RET: variants seen among roughly 807,000 people sequenced by gnomAD.
RET encodes ret proto-oncogene, also known as proto-oncogene tyrosine-protein kinase receptor Ret.
Under a neutral mutation model 118.3 loss-of-function variants are expected in RET, and 19 were observed. The ratio of observed to expected loss-of-function variants is 0.16; its 90% CI spans 0.11 to 0.24. RET has a LOEUF of 0.24. Ranked by LOEUF, RET falls within the 10% of genes least tolerant of loss-of-function variation. The probability of loss-of-function intolerance (pLI) is 1.00; values close to 1 mark genes in which losing one functional copy is unlikely to be tolerated. For missense variants in RET, 1,219 were observed against 1,502.1 expected, an observed-to-expected ratio of 0.81 and a Z score of 3.12; for synonymous variants, 597 against 644.1, an observed-to-expected ratio of 0.93 and a Z score of 1.11.
intron 18 of RET, 98 bp downstream of exon 18, chr10:43,125,080 T>G: frequency 3.7e-6 from 4 of 1,088,280 alleles, no homozygotes; most frequent in Non-Finnish European, 5.6e-6. Context: ...GTTCCCAGTG[T>G]GGGGCCACAG....
intron 5 of RET, among the ~76,000 whole-genome samples, chr10:43,107,071 C>T (rs113923725): frequency 1.7e-4 from 26 of 152,382 alleles, no homozygotes; most frequent in Admixed American, 5.9e-4. Flanking sequence ...CACCTGCTTG[C>T]AGGGCACCTT....
chr10:43,102,375 A>T lies in RET; in HGVS notation c.371A>T (p.Lys124Met), dbSNP rs773868504. Residue 124 changes from lysine to methionine, a missense_variant, in exon 3 of 20, where the codon AAG (lysine) becomes ATG (methionine). By Grantham distance (95) the Lys-to-Met change is moderately conservative. This residue lies in a region of RET where 84 missense variants were observed against 163.6 expected (regional missense o/e 0.51). Coordinates refer to ENST00000355710, the MANE Select transcript of RET (RefSeq NM_020975.6). Reference sequence around the variant, plus strand: ...TTTCCCCTGCTCACCGTCTACCTCAAGGTCTTCCTGTCACCCACATCCCTT... The same window carrying T: ...TTTCCCCTGCTCACCGTCTACCTCATGGTCTTCCTGTCACCCACATCCCTT... The part of the protein sequence containing the change: ...RGFPLLTVYL[K>M]VFLSPTSLRE... The T allele has an allele frequency of 6.2e-7, 1 of 1,614,214 alleles. No homozygotes were observed. Among genetic ancestry groups the T allele is most frequent in the South Asian group, 1.1e-5 (1 of 91,090 alleles).
intron 1 of RET, among the ~76,000 whole-genome samples, chr10:43,082,050 C>T (rs1356180345): frequency 6.6e-6 from 1 of 152,158 alleles, no homozygotes; most frequent in Non-Finnish European, 1.5e-5. Context: ...GCTCTGGTCC[C>T]GCAGCTGTGT....
At chr10:43,119,192 A>C (rs1838143932) in intron 13 of RET, among the ~76,000 whole-genome samples, 1 of 152,168 alleles carries the variant, frequency 6.6e-6, no homozygotes, top group South Asian at 2.1e-4. Flanking sequence ...CAGCATCCCC[A>C]GCCTGCACTG....
chr10:43,126,510 T>C, intron 18 of RET, 65 bp from the exon 19 acceptor site: 1 of 1,409,586 alleles, frequency 7.1e-7, no homozygotes, highest in Non-Finnish European at 1.0e-6. Context: ...GATGGCTTGT[T>C]GTATACTGAG....
At chr10:43,104,898 C>T (rs1206489105) in intron 3 of RET, 54 bp from the exon 4 acceptor site, 1 of 1,537,112 alleles carries the variant, frequency 6.5e-7, no homozygotes, top group Non-Finnish European at 8.7e-7. Context: ...AGGAAAGCGG[C>T]TGGCCCGGTC....
At position 43,105,004 on chromosome 10, in the gene RET, C is replaced by T. The variant is rs142421698; in HGVS notation, c.678C>T (p.Arg226=). Residue 226 remains arginine (R), a synonymous_variant, in exon 4 of 20, where the codon CGC becomes CGT. Coordinates refer to ENST00000355710, the MANE Select transcript of RET (RefSeq NM_020975.6). ...CGGACAGCCTGGAGGTGAGCACGCG[C>T]TGGGCCCTGGACCGCGAGCAGCGGG... ...CAPDSLEVST[R]WALDREQREK... is the part of the protein sequence containing the mutation. The T allele has an allele frequency of 1.9e-6, 3 of 1,592,556 alleles. No individual in the cohort carries two copies. In the African/African-American group the frequency reaches 4.0e-5, roughly 21 times the overall value.
At chr10:43,126,274 C>G (rs1190707543) in intron 18 of RET, among the ~76,000 whole-genome samples, 2 of 152,350 alleles carry the variant, frequency 1.3e-5, no homozygotes, top group African/African-American at 2.4e-5. Context: ...AGGCTGCCCT[C>G]CAGGCCCTGG....
At chr10:43,100,814 T>C (rs1422671305) in intron 2 of RET, 92 bp downstream of exon 2, 58 of 1,368,042 alleles carry the variant, frequency 4.2e-5, no homozygotes, top group Non-Finnish European at 3.8e-5. Flanking sequence ...AAGCTTGGCA[T>C]GGCTTCCCCC....
intron 17 of RET, 136 bp downstream of exon 17, chr10:43,123,944 G>C: frequency 1.5e-6 from 2 of 1,350,782 alleles, no homozygotes; most frequent in South Asian, 2.4e-5. Context: ...GCAGAGGTTA[G>C]AGAGCCATCC....
At chr10:43,110,031 C>T (rs1005353434) in intron 6 of RET, among the ~76,000 whole-genome samples, 2 of 152,224 alleles carry the variant, frequency 1.3e-5, no homozygotes, top group African/African-American at 4.8e-5. Flanking sequence ...GCATCAGCTC[C>T]TGGCAGCCAC....
rs764749007 is a variant in RET, at chr10:43,105,106, G to A, written c.780G>A (p.Val260=). 1.2e-6 allele frequency: 2 copies of A among 1,612,388 alleles called. No individual in the cohort carries two copies. The highest frequency in any genetic ancestry group is 1.7e-6 in the Non-Finnish European group (2 of 1,179,826). The change falls in exon 4 of 20, where the codon GTG becomes GTA. Residue 260 remains valine, a synonymous_variant. Transcript: ENST00000355710. The part of the protein sequence containing the change: ...REEVVMVPFP[V]TVYDEDDSAP... ...AGGTGGTGATGGTGCCCTTCCCGGT[G>A]ACCGTGTACGACGAGGACGACTCGG...
rs1210569285 is a variant in RET at position 43,086,990 on chromosome 10, C to T, written c.73+9659C>T. Among the ~76,000 whole-genome samples, 77 of 152,256 alleles carry T rather than the reference C, an allele frequency of 5.1e-4. 1 individual carries two copies. The highest frequency in any genetic ancestry group is 8.8e-5 in the Non-Finnish European group (6 of 68,040). The stretch of plus-strand genomic sequence containing the variant: ...GCCTGGACCCCTTCCCCACTCACGG[C>T]AGAAGGCTGCATGGCTTTTAGGGGT... On this transcript the variant is annotated intron_variant, in intron 1 of 19. Transcript: ENST00000355710.
rs1014090838 is a variant in RET, at chr10:43,089,178, C to T, written c.74-11281C>T. ...TCAGGCAGCGTCCGCTCAGCAGAAG[C>T]GTGTGATGACTTCCCCAGCCGGCTG... On this transcript the variant is annotated intron_variant, in intron 1 of 19. Transcript: ENST00000355710. 3.9e-5 allele frequency among the ~76,000 whole-genome samples: 6 copies of T among 152,376 alleles called. No individual in the cohort carries two copies. The South Asian group carries it at 1.0e-3, about 26-fold the overall frequency.
At chr10:43,104,692 A>G (rs1181062927) in intron 3 of RET, 6 of 601,362 alleles carry the variant, frequency 1.0e-5, no homozygotes, top group Admixed American at 3.0e-5. Context: ...GCTCTTCCCA[A>G]CCAGCACGAG....
intron 6 of RET, 113 bp from the exon 7 acceptor site, chr10:43,111,094 C>T: frequency 6.6e-7 from 1 of 1,507,998 alleles, no homozygotes; most frequent in Non-Finnish European, 9.1e-7. Flanking sequence ...GCTGCTGTCT[C>T]CAGGCCCAGT....
intron 12 of RET, among the ~76,000 whole-genome samples, chr10:43,117,419 T>C (rs774095634): frequency 5.3e-5 from 8 of 152,218 alleles, no homozygotes; most frequent in Non-Finnish European, 1.2e-4. Context: ...ACCCTTGGAT[T>C]TCCATTGCAG....
At chr10:43,086,075 C>T (rs1247964714) in intron 1 of RET, among the ~76,000 whole-genome samples, 1 of 152,224 alleles carries the variant, frequency 6.6e-6, no homozygotes, top group Non-Finnish European at 1.5e-5. Context: ...TGGTAGCTCA[C>T]GGTGCCTCGG....
intron 19 of RET, 109 bp downstream of exon 19, chr10:43,126,831 GTCTGC>G: frequency 6.6e-7 from 1 of 1,520,370 alleles, no homozygotes; most frequent in South Asian, 1.2e-5. Flanking sequence ...CAAAACCAAA[GTCTGC>G]TCTGAACCTT....
Sources: allele counts gnomAD v4.1 joint callset (sites outside exome capture counted in the v4.1 genomes callset), GRCh38; gene constraint gnomAD v4.1.1; regional missense constraint gnomAD v4.1.1; transcripts MANE v1.5; gene names NCBI Gene and HGNC (gene_info 2026-07-23, HGNC 2026-07-21).